The following OPCML variants were observed in gnomAD, a reference collection of about 807,000 sequenced individuals.
The protein encoded by OPCML is opioid binding protein/cell adhesion molecule like.
A neutral mutation model predicts 37.8 loss-of-function variants in OPCML; 13 were observed. The ratio of observed to expected loss-of-function variants is 0.34; its 90% CI spans 0.22 to 0.55. OPCML has a LOEUF of 0.55. Among genes scored for constraint, OPCML ranks in the 20% least tolerant of loss-of-function variants. The probability of loss-of-function intolerance (pLI) is 0.91; values close to 1 mark genes in which losing one functional copy is unlikely to be tolerated. For synonymous variants in OPCML, 176 were observed against 168.8 expected, an observed-to-expected ratio of 1.04 and a Z score of -0.33; for missense variants, 341 against 435.6, an observed-to-expected ratio of 0.78 and a Z score of 1.93.
At chr11:132,853,544 C>T (rs758152067) in intron 2 of OPCML, among the ~76,000 whole-genome samples, 9 of 152,120 alleles carry the variant, frequency 5.9e-5, no homozygotes, top group East Asian at 5.8e-4. Flanking sequence ...GCAACTATTA[C>T]GGCAATCTTA....
At chr11:132,452,536 C>T (rs1008635791) in intron 4 of OPCML, among the ~76,000 whole-genome samples, 8 of 137,334 alleles carry the variant, frequency 5.8e-5, no homozygotes, top group African/African-American at 2.3e-4. Context: ...TTTCAGCCTG[C>T]CTGCCTGCCT....
At chr11:132,461,549 C>CA (rs1334453324) in intron 4 of OPCML, among the ~76,000 whole-genome samples, 6 of 151,768 alleles carry the variant, frequency 4.0e-5, no homozygotes, top group African/African-American at 1.5e-4. Flanking sequence ...CATGGGTAAA[C>CA]AAAAAAATGG....
chr11:132,787,784 G>A (rs1259466241), intron 2 of OPCML, among the ~76,000 whole-genome samples: 4 of 151,982 alleles, frequency 2.6e-5, no homozygotes, highest in African/African-American at 7.3e-5. Flanking sequence ...CCCCCATCTT[G>A]TGCTAAAAAG....
At chr11:133,395,330 C>CT (rs1214697000) in intron 1 of OPCML, among the ~76,000 whole-genome samples, 3 of 152,060 alleles carry the variant, frequency 2.0e-5, no homozygotes, top group Non-Finnish European at 2.9e-5. Context: ...GTTATCTCTA[C>CT]TTTTTTTGAT....
chr11:132,508,594 G>C (rs573615467), intron 4 of OPCML, among the ~76,000 whole-genome samples: 1 of 152,216 alleles, frequency 6.6e-6, no homozygotes, highest in Admixed American at 6.5e-5. Context: ...AGGGACCCAG[G>C]GGGAGGTAAT....
intron 2 of OPCML, among the ~76,000 whole-genome samples, chr11:132,672,896 T>A (rs1480431341): frequency 6.6e-6 from 1 of 152,166 alleles, no homozygotes; most frequent in Non-Finnish European, 1.5e-5. Flanking sequence ...CATCACTGAT[T>A]GTTGTAATAT....
intron 1 of OPCML, among the ~76,000 whole-genome samples, chr11:133,190,407 C>T (rs1016765097): frequency 6.6e-6 from 1 of 152,188 alleles, no homozygotes; most frequent in Non-Finnish European, 1.5e-5. Flanking sequence ...TCCTGTTGCT[C>T]TCTTTCCCTC....
intron 2 of OPCML, among the ~76,000 whole-genome samples, chr11:132,807,718 A>T (rs542319388): frequency 6.6e-6 from 1 of 152,308 alleles, no homozygotes; most frequent in Non-Finnish European, 1.5e-5. Flanking sequence ...TCAGACTGCA[A>T]GTACCATTCT....
chr11:133,027,964 G>A (rs1178334239), intron 1 of OPCML, among the ~76,000 whole-genome samples: 17 of 151,472 alleles, frequency 1.1e-4, no homozygotes, highest in African/African-American at 3.9e-4. Flanking sequence ...TGTGCTTTTC[G>A]GAATTCTACA....
chr11:133,409,811 TG>T (rs1217116126), intron 1 of OPCML, among the ~76,000 whole-genome samples: 2 of 152,046 alleles, frequency 1.3e-5, no homozygotes, highest in African/African-American at 4.8e-5. Flanking sequence ...GGTAAAGAAA[TG>T]AAGAACATCT....
chr11:132,867,637 G>GGGA (rs1402876457), intron 2 of OPCML, among the ~76,000 whole-genome samples: 2 of 152,192 alleles, frequency 1.3e-5, no homozygotes, highest in Non-Finnish European at 2.9e-5. Context: ...TCAAGAAGCG[G>GGGA]GGATGAGAGA....
chr11:132,638,755 A>G (rs562839309), intron 3 of OPCML, among the ~76,000 whole-genome samples: 2 of 152,190 alleles, frequency 1.3e-5, no homozygotes, highest in East Asian at 1.9e-4. Flanking sequence ...CCATACCCCT[A>G]TGATTTCATT....
intron 2 of OPCML, among the ~76,000 whole-genome samples, chr11:132,900,688 T>A (rs1440096311): frequency 6.6e-6 from 1 of 152,198 alleles, no homozygotes; most frequent in Non-Finnish European, 1.5e-5. Flanking sequence ...TCCTGCCCTA[T>A]GGGCTCTGCA....
chr11:132,937,323 GC>G (rs751001433), intron 2 of OPCML, among the ~76,000 whole-genome samples: 12 of 152,150 alleles, frequency 7.9e-5, no homozygotes, highest in Non-Finnish European at 1.3e-4. Context: ...CCTAAACCAA[GC>G]CCAAGGGCCA....
chr11:132,794,231 G>C (rs1033750544), intron 2 of OPCML, among the ~76,000 whole-genome samples: 11 of 152,078 alleles, frequency 7.2e-5, no homozygotes, highest in African/African-American at 2.7e-4. Context: ...ATAATACACT[G>C]AGCATATTTC....
chr11:132,419,980 C>T lies in OPCML; in HGVS notation c.*213G>A. The T allele has an allele frequency of 1.9e-6, 1 of 538,504 alleles. No individual in the cohort carries two copies. 33.4% of individuals were successfully genotyped at this position (538,504 alleles called of 1,614,324 possible). ...GACACACCAATGAATGATTATCCTA[C>T]ACGTGGTAGAACCCTGCCCACCCCG... On this transcript the variant is annotated 3_prime_UTR_variant, in exon 8 of 8. Transcript: ENST00000524381.
chr11:133,057,233 A>T (rs1217022108), intron 1 of OPCML, among the ~76,000 whole-genome samples: 1 of 152,188 alleles, frequency 6.6e-6, no homozygotes, highest in Non-Finnish European at 1.5e-5. Flanking sequence ...CATGTGAAAT[A>T]CTTGGCTCCA....
intron 2 of OPCML, among the ~76,000 whole-genome samples, chr11:132,804,609 T>C (rs1195934626): frequency 2.6e-5 from 4 of 152,134 alleles, no homozygotes; most frequent in Middle Eastern, 3.2e-3. Context: ...CGAAGTCTAG[T>C]TGAGAGACCA....
intron 2 of OPCML, among the ~76,000 whole-genome samples, chr11:132,898,255 T>G (rs1360031579): frequency 4.6e-5 from 7 of 152,248 alleles, no homozygotes; most frequent in African/African-American, 1.7e-4. Context: ...GCTTCCATCA[T>G]GGAAGAGGCA....
Sources: gnomAD v4.1 joint callset for allele counts (sites outside exome capture counted in the v4.1 genomes callset) on GRCh38, gnomAD v4.1.1 for gene constraint, MANE v1.5 for transcripts, NCBI Gene and HGNC (gene_info 2026-07-23, HGNC 2026-07-21) for gene names.